The following DSC2 variants were observed in gnomAD, a reference collection of about 807,000 sequenced individuals.
The protein encoded by DSC2 is desmocollin 2, also known as desmocollin-2.
In DSC2, 51 loss-of-function variants were observed where a neutral mutation model predicts 87.6. The observed-to-expected ratio is 0.58, with a 90% CI of 0.46 to 0.74. The LOEUF (loss-of-function observed/expected upper bound fraction) is 0.74, where lower values mean the gene tolerates loss of function less well. DSC2 is among the 30% of genes least tolerant of loss of function. DSC2 has a pLI of 0.00. For missense variants in DSC2, 1,066 were observed against 1,089.5 expected, an observed-to-expected ratio of 0.98 and a Z score of 0.30; for synonymous variants, 383 against 393.2, an observed-to-expected ratio of 0.97 and a Z score of 0.31.
At position 31,065,957 on chromosome 18, in the gene DSC2, A is replaced by T. The variant is rs1986605006; in HGVS notation, c.*2058T>A. 1 of 152,182 alleles carries T rather than the reference A, an allele frequency of 6.6e-6. No homozygotes were observed. The highest frequency in any genetic ancestry group is 1.9e-4 in the East Asian group (1 of 5,198). 9.4% of individuals were successfully genotyped at this position (152,182 alleles called of 1,614,324 possible). A position where few individuals can be genotyped will look rare whatever the true frequency, so the allele number is the denominator to read the frequency against. ...CTTAATTGACCTTTTGTTAACATGA[A>T]ATGAATTGTACATGTGACTTGTTTA... On this transcript the variant is annotated 3_prime_UTR_variant, in exon 16 of 16. Coordinates refer to ENST00000280904, the MANE Select transcript of DSC2 (RefSeq NM_024422.6).
rs372836109 is a variant in DSC2 at position 31,068,363 on chromosome 18, CAT to C, written c.2509-153_2509-152del. On this transcript the variant is annotated intron_variant, in intron 15 of 15. Coordinates refer to ENST00000280904, the MANE Select transcript of DSC2 (RefSeq NM_024422.6). Reference sequence around the variant, plus strand: ...TGGATTCCTATACATAAAAAATGCACATGATTGGTCTGTTTCATACATCACAC... The same window carrying C: ...TGGATTCCTATACATAAAAAATGCACGATTGGTCTGTTTCATACATCACAC... The C allele has an allele frequency of 1.4e-4, 227 of 1,610,476 alleles. 1 individual carries two copies. The highest frequency in any genetic ancestry group is 3.8e-4 in the East Asian group (17 of 44,820).
intron 3 of DSC2, 108 bp from the exon 4 acceptor site, chr18:31,091,255 T>A: frequency 7.1e-7 from 1 of 1,401,268 alleles, no homozygotes; most frequent in African/African-American, 1.4e-5. Context: ...TGGGTAGGGG[T>A]GAGACCATGG....
In DSC2 at chr18:31,060,108, G is replaced by A. The variant is rs1986473092; in HGVS notation, c.*7907C>T. ...CTCAATTATGGTACATTGTATCACAGTAATGGATCATACATCATTTAATTA... is the reference window on the plus strand; with the variant it reads ...CTCAATTATGGTACATTGTATCACAATAATGGATCATACATCATTTAATTA... On this transcript the variant is annotated 3_prime_UTR_variant, in exon 16 of 16. Transcript: ENST00000280904. The A allele has an allele frequency of 6.6e-6, 1 of 152,136 alleles. No individual in the cohort carries two copies. Among genetic ancestry groups the A allele is most frequent in the Admixed American group, 6.6e-5 (1 of 15,262 alleles). 9.4% of individuals were successfully genotyped at this position (152,136 alleles called of 1,614,324 possible).
rs1436614994 is a variant in DSC2, at chr18:31,066,845, T to G, written c.*1170A>C. The G allele has an allele frequency of 6.6e-6, 1 of 152,116 alleles. No homozygotes were observed. Among genetic ancestry groups the G allele is most frequent in the African/African-American group, 2.4e-5 (1 of 41,438 alleles). The allele number at this position is 152,116 out of a possible 1,614,324, so 9.4% of individuals were successfully genotyped here. On this transcript the variant is annotated 3_prime_UTR_variant, in exon 16 of 16. Transcript: ENST00000280904. ...ATAAAATAGTTACCCCAGGGAGCCT[T>G]CAAGATCCCTATATTTTAAAGCTTA... is the stretch of plus-strand genomic sequence containing the variant.
At chr18:31,099,553 C>T (rs989515216) in intron 1 of DSC2, among the ~76,000 whole-genome samples, 9 of 151,242 alleles carry the variant, frequency 6.0e-5, no homozygotes, top group East Asian at 1.9e-4. Context: ...AAAGACAAGA[C>T]GCTAGGTAGG....
chr18:31,082,259 T>A lies in DSC2; in HGVS notation c.1242A>T (p.Glu414Asp), dbSNP rs535216461. The A allele has an allele frequency of 1.9e-6, 3 of 1,613,616 alleles. No homozygotes were observed. The South Asian group carries it at 3.3e-5, about 18-fold the overall frequency. The change falls in exon 9 of 16, where the codon GAA becomes GAT. Residue 414 changes from glutamate to aspartate, a missense_variant. Transcript: ENST00000280904. Reference protein sequence around the residue: ...FKIVTDAKTNEGVLCVVKPLN... With the variant: ...FKIVTDAKTNDGVLCVVKPLN... ...TTACCTTAACTACACAAAGAACTCC[T>A]TCATTGGTTTTGGCATCTGTTACAA...
chr18:31,097,287 CA>C (rs561171723), intron 1 of DSC2, among the ~76,000 whole-genome samples: 1,076 of 73,950 alleles, frequency 0.015, 6 homozygotes, highest in Non-Finnish European at 0.02. Context: ...GACTCAGTCT[CA>C]AAAAAAAAAA....
chr18:31,069,515 G>C (rs1472130294), intron 14 of DSC2, among the ~76,000 whole-genome samples: 1 of 151,998 alleles, frequency 6.6e-6, no homozygotes, highest in Admixed American at 6.5e-5. Flanking sequence ...AGGAATTCAA[G>C]ACCAGCCTCG....
chr18:31,097,778 T>C (rs1987810245), intron 1 of DSC2, among the ~76,000 whole-genome samples: 1 of 151,894 alleles, frequency 6.6e-6, no homozygotes, highest in Admixed American at 6.5e-5. Context: ...CTAAAAGTTG[T>C]AACTTTTTAT....
intron 1 of DSC2, among the ~76,000 whole-genome samples, chr18:31,100,020 AC>A (rs1567986300): frequency 6.6e-6 from 1 of 152,062 alleles, no homozygotes; most frequent in Non-Finnish European, 1.5e-5. Flanking sequence ...ACAGGCGCGC[AC>A]CCCATGCCCA....
rs1342919755 is a variant in DSC2 at position 31,060,935 on chromosome 18, A to G, written c.*7080T>C. ...TTTGCTTAATATGTTTTATATGAAA[A>G]GGCAAATTTTAAATACTTAAGTTTC... On this transcript the variant is annotated 3_prime_UTR_variant, in exon 16 of 16. Transcript: ENST00000280904. 1 of 152,204 alleles carries G rather than the reference A, an allele frequency of 6.6e-6. No homozygotes were observed. Among genetic ancestry groups the G allele is most frequent in the Non-Finnish European group, 1.5e-5 (1 of 68,034 alleles). The allele number at this position is 152,204 out of a possible 1,614,324, so 9.4% of individuals were successfully genotyped here. A position where few individuals can be genotyped will look rare whatever the true frequency, so the allele number is the denominator to read the frequency against.
At position 31,079,758 on chromosome 18, in the gene DSC2, T is replaced by C. The variant is rs1658128; in HGVS notation, c.1663+89A>G. The stretch of plus-strand genomic sequence containing the variant: ...GAGATATGAAAACAGAGTGCATGTA[T>C]CCAGCTTTAAAATGTATACTGTTGG... On this transcript the variant is annotated intron_variant, in intron 11 of 15. Transcript: ENST00000280904. 1,499,009 of 1,499,704 alleles carry C rather than the reference T, an allele frequency of 1. 749,160 individuals carry two copies. Among genetic ancestry groups the C allele is most frequent in the East Asian group, 1 (44,196 of 44,196 alleles). 92.9% of individuals were successfully genotyped at this position (1,499,704 alleles called of 1,614,324 possible).
At position 31,062,285 on chromosome 18, in the gene DSC2, T is replaced by C. The variant is rs1359746778; in HGVS notation, c.*5730A>G. On this transcript the variant is annotated 3_prime_UTR_variant, in exon 16 of 16. Coordinates refer to ENST00000280904, the MANE Select transcript of DSC2 (RefSeq NM_024422.6). ...TTGAAGCAAGGCCTGACTTACAACATTTTATAAATAACTAATGGGAATTTT... is the reference window on the plus strand; with the variant it reads ...TTGAAGCAAGGCCTGACTTACAACACTTTATAAATAACTAATGGGAATTTT... The C allele has an allele frequency of 6.6e-6, 1 of 152,198 alleles. No homozygotes were observed. The highest frequency in any genetic ancestry group is 2.4e-5 in the African/African-American group (1 of 41,450). The allele number at this position is 152,198 out of a possible 1,614,324, so 9.4% of individuals were successfully genotyped here.
At chr18:31,072,813 G>A (rs547003044) in intron 12 of DSC2, among the ~76,000 whole-genome samples, 162 of 152,134 alleles carry the variant, frequency 1.1e-3, no homozygotes, top group African/African-American at 3.8e-3. Context: ...TGAATGCTTG[G>A]GTAAAAACAC....
rs1475261060 is a variant in DSC2, at chr18:31,065,181, G to T, written c.*2834C>A. ...AATACCACAAATGAGAGACCTGGAA[G>T]CTACTATGAGCCATGAAATTCCCAA... is the stretch of plus-strand genomic sequence containing the variant. On this transcript the variant is annotated 3_prime_UTR_variant, in exon 16 of 16. Coordinates refer to ENST00000280904, the MANE Select transcript of DSC2 (RefSeq NM_024422.6). 1 of 152,202 alleles carries T rather than the reference G, an allele frequency of 6.6e-6. No homozygotes were observed. The highest frequency in any genetic ancestry group is 1.5e-5 in the Non-Finnish European group (1 of 68,048). 9.4% of individuals were successfully genotyped at this position (152,202 alleles called of 1,614,324 possible).
At position 31,089,121 on chromosome 18, in the gene DSC2, C is replaced by T. The variant is rs570000277; in HGVS notation, c.630+318G>A. On this transcript the variant is annotated intron_variant, in intron 5 of 15. Transcript: ENST00000280904. ...CAGAGATTGCAGTGAGCCGAGATTA[C>T]GCCACTGCACTTCAGCCTGGGTGGC... Among the ~76,000 whole-genome samples the T allele has an allele frequency of 3.4e-4, 51 of 148,304 alleles. No homozygotes were observed. In the Middle Eastern group the frequency reaches 0.021, roughly 61 times the overall value.
chr18:31,085,651 G>A (rs1790662), intron 7 of DSC2, among the ~76,000 whole-genome samples: 2,250 of 151,988 alleles, frequency 0.015, 27 homozygotes, highest in Middle Eastern at 0.024. Flanking sequence ...TGAGACCAAA[G>A]CTTTTGAGAA....
intron 1 of DSC2, among the ~76,000 whole-genome samples, chr18:31,101,059 A>C (rs898037542): frequency 1.1e-4 from 16 of 151,342 alleles, no homozygotes; most frequent in Admixed American, 2.0e-4. Context: ...AAAGAAAGAA[A>C]GAACCTGGGG....
chr18:31,086,739 G>C lies in DSC2; in HGVS notation c.779C>G (p.Thr260Ser). 6.2e-7 allele frequency: 1 copy of C among 1,613,954 alleles called. No individual in the cohort carries two copies. Among genetic ancestry groups the C allele is most frequent in the Non-Finnish European group, 8.5e-7 (1 of 1,179,930 alleles). The change falls in exon 7 of 16, where the codon ACT becomes AGT. Residue 260 changes from threonine to serine, a missense_variant. Coordinates refer to ENST00000280904, the MANE Select transcript of DSC2 (RefSeq NM_024422.6). ...AGTAGCACACACTTGTCCCACAGTA[G>C]TGCCTAGAGAAGAAAAGTCCTTTTT... ...FTIFENCRVGTTVGQVCATDK... is the reference protein window; with the variant it reads ...FTIFENCRVGSTVGQVCATDK...
Sources: allele counts gnomAD v4.1 joint callset (sites outside exome capture counted in the v4.1 genomes callset), GRCh38; gene constraint gnomAD v4.1.1; transcripts MANE v1.5; gene names NCBI Gene and HGNC (gene_info 2026-07-23, HGNC 2026-07-21).